Variants in GRIN2A observed in about 807,000 individuals in gnomAD.
GRIN2A encodes glutamate ionotropic receptor NMDA type subunit 2A.
GRIN2A carries 22 observed loss-of-function variants against 113.4 expected under a neutral mutation model. The observed-to-expected ratio is 0.19, with a 90% confidence interval of 0.14 to 0.28. GRIN2A has a LOEUF of 0.28. Among genes scored for constraint, GRIN2A ranks in the 10% least tolerant of loss-of-function variants. GRIN2A has a pLI of 1.00. For synonymous variants in GRIN2A, 827 were observed against 738.4 expected (o/e 1.12, Z -1.94); for missense variants, 1,502 against 1,887.0 (o/e 0.80, Z 3.78).
At chr16:9,933,650 C>G (rs1289432193) in intron 3 of GRIN2A, among the ~76,000 whole-genome samples, 1 of 152,182 alleles carries the variant, frequency 6.6e-6, no homozygotes. Flanking sequence ...TCCTGGGCTT[C>G]TATTGAACAA....
Position 9,891,492 on chromosome 16 carries a change from T to A in GRIN2A, c.1008-392A>T, listed in dbSNP as rs539274590. Among the ~76,000 whole-genome samples, 12 of 152,334 alleles carry A rather than the reference T, an allele frequency of 7.9e-5. No individual in the cohort carries two copies. In the East Asian group the frequency reaches 1.5e-3, roughly 20 times the overall value. The stretch of plus-strand genomic sequence containing the variant: ...TTCCATTATTCATTATTTATTCAAC[T>A]AATATATATGAAGCATTTGCTATAT... On this transcript the variant is annotated intron_variant, in intron 3 of 12. Transcript: ENST00000330684.
chr16:9,962,436 T>C (rs936363615), intron 2 of GRIN2A, among the ~76,000 whole-genome samples: 2 of 151,690 alleles, frequency 1.3e-5, no homozygotes, highest in Non-Finnish European at 2.9e-5. Context: ...AACAACCCCA[T>C]CAAAAAGTGG....
chr16:9,884,324 G>A (rs2043546756), intron 4 of GRIN2A, among the ~76,000 whole-genome samples: 1 of 152,148 alleles, frequency 6.6e-6, no homozygotes, highest in African/African-American at 2.4e-5. Flanking sequence ...TGAAGCCGGT[G>A]GATCACCTGA....
chr16:10,023,099 T>C (rs2046755551), intron 2 of GRIN2A, among the ~76,000 whole-genome samples: 1 of 152,170 alleles, frequency 6.6e-6, no homozygotes, highest in African/African-American at 2.4e-5. Flanking sequence ...AAGAGGGCTC[T>C]ACCAATGAGA....
intron 2 of GRIN2A, among the ~76,000 whole-genome samples, chr16:9,952,029 G>A (rs559144834): frequency 6.6e-6 from 1 of 152,212 alleles, no homozygotes; most frequent in African/African-American, 2.4e-5. Context: ...TTTCATATTT[G>A]CTGCAAACTT....
At chr16:10,099,485 C>G (rs1464752321) in intron 2 of GRIN2A, among the ~76,000 whole-genome samples, 2 of 151,992 alleles carry the variant, frequency 1.3e-5, no homozygotes, top group Non-Finnish European at 2.9e-5. Flanking sequence ...CCTTGCACCC[C>G]CTTCCTCAGC....
Position 9,798,492 on chromosome 16 carries a change from TA to T in GRIN2A, c.2169-29del, listed in dbSNP as rs372941667. The stretch of plus-strand genomic sequence containing the variant: ...GAAATGACAAGAAACCAGGGGGTCA[TA>T]GGGGTGGCCAGGTACCACCTCGGGG... On this transcript the variant is annotated intron_variant, in intron 10 of 12. Coordinates refer to ENST00000330684, the MANE Select transcript of GRIN2A (RefSeq NM_001134407.3). 852 of 1,603,502 alleles carry T rather than the reference TA, an allele frequency of 5.3e-4. 4 individuals are homozygous for T. In the African/African-American group the frequency reaches 0.01, roughly 19 times the overall value.
At chr16:9,935,774 C>T (rs1244204662) in intron 3 of GRIN2A, among the ~76,000 whole-genome samples, 1 of 152,152 alleles carries the variant, frequency 6.6e-6, no homozygotes, top group Non-Finnish European at 1.5e-5. Flanking sequence ...CAGCTCACTG[C>T]AACCTCTGCC....
rs553780658 is a variant in GRIN2A at position 10,132,903 on chromosome 16, A to G, written c.414+47095T>C. On this transcript the variant is annotated intron_variant, in intron 2 of 12. Coordinates refer to ENST00000330684, the MANE Select transcript of GRIN2A (RefSeq NM_001134407.3). ...CTAAAATGGACCAGCAGGCCTTCCT[A>G]GTGCTTCCTTCTAAGGCTTTAGAGG... Among the ~76,000 whole-genome samples the G allele has an allele frequency of 5.3e-5, 8 of 152,314 alleles. No homozygotes were observed. The East Asian group carries it at 1.5e-3, about 29-fold the overall frequency.
chr16:10,033,121 T>A (rs1433333296), intron 2 of GRIN2A, among the ~76,000 whole-genome samples: 1 of 152,188 alleles, frequency 6.6e-6, no homozygotes, highest in Non-Finnish European at 1.5e-5. Flanking sequence ...CAGATGCATG[T>A]ATCTGACACC....
chr16:9,974,833 C>A (rs1224446432), intron 2 of GRIN2A, among the ~76,000 whole-genome samples: 2 of 152,124 alleles, frequency 1.3e-5, no homozygotes, highest in East Asian at 3.8e-4. Flanking sequence ...CCTTTTATTT[C>A]TTTTTCTGGC....
chr16:9,810,323 C>A (rs948918526), intron 10 of GRIN2A, among the ~76,000 whole-genome samples: 2 of 152,170 alleles, frequency 1.3e-5, no homozygotes, highest in African/African-American at 4.8e-5. Context: ...TGAGGACAGC[C>A]TCCACTGGCA....
At chr16:10,161,599 G>A (rs1027290210) in intron 2 of GRIN2A, among the ~76,000 whole-genome samples, 30 of 152,298 alleles carry the variant, frequency 2.0e-4, no homozygotes, top group African/African-American at 6.7e-4. Flanking sequence ...TTTATCAGAC[G>A]CTGTCCCTGT....
At chr16:9,820,842 T>G (rs1275663171) in intron 10 of GRIN2A, among the ~76,000 whole-genome samples, 2 of 152,196 alleles carry the variant, frequency 1.3e-5, no homozygotes, top group Admixed American at 1.3e-4. Flanking sequence ...TTCTGCATTT[T>G]TGTTATACTT....
chr16:10,124,178 T>G (rs527454115), intron 2 of GRIN2A, among the ~76,000 whole-genome samples: 1 of 152,254 alleles, frequency 6.6e-6, no homozygotes, highest in African/African-American at 2.4e-5. Flanking sequence ...GCCGTGTGCG[T>G]GCCCTTGTGT....
At chr16:9,773,375 G>A (rs1019599101) in intron 11 of GRIN2A, among the ~76,000 whole-genome samples, 7 of 152,148 alleles carry the variant, frequency 4.6e-5, no homozygotes, top group African/African-American at 1.7e-4. Flanking sequence ...ATCAAATGTC[G>A]TTTTTCCAAG....
At chr16:10,124,634 G>A (rs1268815204) in intron 2 of GRIN2A, among the ~76,000 whole-genome samples, 3 of 152,140 alleles carry the variant, frequency 2.0e-5, no homozygotes, top group East Asian at 1.9e-4. Flanking sequence ...AGATGGCAGG[G>A]AAAGATACAG....
chr16:9,817,153 G>C (rs1046126889), intron 10 of GRIN2A, among the ~76,000 whole-genome samples: 1 of 152,146 alleles, frequency 6.6e-6, no homozygotes, highest in African/African-American at 2.4e-5. Flanking sequence ...CATTTGGCTT[G>C]TCTACTCTGT....
At chr16:10,093,458 A>T (rs185461147) in intron 2 of GRIN2A, among the ~76,000 whole-genome samples, 1 of 152,154 alleles carries the variant, frequency 6.6e-6, no homozygotes, top group Non-Finnish European at 1.5e-5. Flanking sequence ...CTAAAAACAT[A>T]CAGTTAATCT....
Sources: gnomAD v4.1 joint callset for allele counts (sites outside exome capture counted in the v4.1 genomes callset) on GRCh38, gnomAD v4.1.1 for gene constraint, MANE v1.5 for transcripts, NCBI Gene and HGNC (gene_info 2026-07-23, HGNC 2026-07-21) for gene names.